The following IL1R1 variants were observed in gnomAD, a reference collection of about 807,000 sequenced individuals.
IL1R1 encodes interleukin 1 receptor type 1.
Under a neutral mutation model 50.2 loss-of-function variants are expected in IL1R1, and 22 were observed. The observed-to-expected ratio is 0.44, with a 90% CI of 0.31 to 0.63. The LOEUF (loss-of-function observed/expected upper bound fraction) is 0.63, where lower values mean the gene tolerates loss of function less well. IL1R1 is among the 20% of genes least tolerant of loss of function. The pLI, the probability that IL1R1 is intolerant of heterozygous loss-of-function variation, is 0.07. For synonymous variants in IL1R1, 251 were observed against 236.7 expected (o/e 1.06, Z -0.55); for missense variants, 509 against 676.2 (o/e 0.75, Z 2.74).
At chr2:102,148,023 T>C (rs1396144055) in intron 1 of IL1R1, among the ~76,000 whole-genome samples, 1 of 152,200 alleles carries the variant, frequency 6.6e-6, no homozygotes, top group East Asian at 1.9e-4. Flanking sequence ...CTTTCTGAGA[T>C]GGTGAGTGAG....
At chr2:102,172,535 C>A (rs1026259923) in intron 8 of IL1R1, 152 bp from the exon 9 acceptor site, 3 of 1,084,448 alleles carry the variant, frequency 2.8e-6, no homozygotes, top group African/African-American at 1.6e-5. Flanking sequence ...ATTAGTGTTG[C>A]CAGCAGTCTG....
intron 1 of IL1R1, among the ~76,000 whole-genome samples, chr2:102,090,924 T>C (rs1679640429): frequency 6.6e-6 from 1 of 152,214 alleles, no homozygotes; most frequent in Admixed American, 6.5e-5. Context: ...TTATTAATGA[T>C]CAGGGAGTTT....
At chr2:102,146,930 C>G (rs755558230) in intron 1 of IL1R1, among the ~76,000 whole-genome samples, 4 of 152,222 alleles carry the variant, frequency 2.6e-5, no homozygotes, top group African/African-American at 9.7e-5. Context: ...CATACCCACT[C>G]CACTGAGAAC....
chr2:102,169,576 G>T (rs1167532877), intron 7 of IL1R1, among the ~76,000 whole-genome samples: 1 of 152,170 alleles, frequency 6.6e-6, no homozygotes, highest in African/African-American at 2.4e-5. Flanking sequence ...ACCCAAAATA[G>T]GTTGGCCTTG....
chr2:102,170,051 G>C (rs1202904614), intron 7 of IL1R1, among the ~76,000 whole-genome samples: 2 of 152,156 alleles, frequency 1.3e-5, no homozygotes, highest in African/African-American at 4.8e-5. Context: ...GTAATTGAGA[G>C]CTCTGATGCC....
In IL1R1 at chr2:102,176,379, G is replaced by T; in HGVS notation, c.1330G>T (p.Val444Leu). 1 of 1,613,928 alleles carries T rather than the reference G, an allele frequency of 6.2e-7. No homozygotes were observed. The highest frequency in any genetic ancestry group is 8.5e-7 in the Non-Finnish European group (1 of 1,179,942). ...EDIVEVINEN[V>L]KKSRRLIIIL... ...CATTGTTGAGGTCATTAATGAAAAC[G>T]TAAAGAAAAGCAGAAGACTGATTAT... The change falls in exon 12 of 12, where the codon GTA (valine) becomes TTA (leucine). Residue 444 changes from valine (V) to leucine (L), a missense_variant. Physicochemically the swap from Val to Leu is conservative, Grantham distance 32. Coordinates refer to ENST00000410023, the MANE Select transcript of IL1R1 (RefSeq NM_000877.4).
In IL1R1 at chr2:102,148,768, TG is replaced by T. The variant is rs560587322; in HGVS notation, c.-83-5172del. Among the ~76,000 whole-genome samples, 440 of 152,338 alleles carry T rather than the reference TG, an allele frequency of 2.9e-3. 1 individual carries two copies. The highest frequency in any genetic ancestry group is 1.0e-2 in the African/African-American group (415 of 41,560). Reference sequence around the variant, plus strand: ...CCATAAGTGTGTGGTTCTATGGCTTTGTAAGTCCCTTTTACCTTCTTTTTCA... The same window carrying T: ...CCATAAGTGTGTGGTTCTATGGCTTTTAAGTCCCTTTTACCTTCTTTTTCA... On this transcript the variant is annotated intron_variant, in intron 1 of 11. Transcript: ENST00000410023.
chr2:102,122,934 CA>C (rs1224936454), intron 1 of IL1R1, among the ~76,000 whole-genome samples: 2 of 152,200 alleles, frequency 1.3e-5, no homozygotes, highest in African/African-American at 4.8e-5. Context: ...TTGGGTCTAG[CA>C]AATATTCTTG....
intron 3 of IL1R1, among the ~76,000 whole-genome samples, chr2:102,163,513 T>C (rs907658018): frequency 1.3e-5 from 2 of 152,310 alleles, no homozygotes; most frequent in Middle Eastern, 3.4e-3. Context: ...ATCCCATCCA[T>C]TGTTTTTTGT....
intron 1 of IL1R1, among the ~76,000 whole-genome samples, chr2:102,073,636 C>T (rs964093666): frequency 3.3e-5 from 5 of 152,138 alleles, no homozygotes; most frequent in Non-Finnish European, 7.4e-5. Context: ...TTGCTTAAAC[C>T]TCTGAGTACC....
chr2:102,168,782 A>G lies in IL1R1; in HGVS notation c.721+119A>G, dbSNP rs115120718. On this transcript the variant is annotated intron_variant, in intron 7 of 11. Coordinates refer to ENST00000410023, the MANE Select transcript of IL1R1 (RefSeq NM_000877.4). ...AGCCATTTACTGTATAAATCTATCA[A>G]TGGAGGGAAAGTGAGACAAATTATA... 2.4e-3 allele frequency: 1,687 copies of G among 698,102 alleles called. 8 individuals are homozygous for G. The highest frequency in any genetic ancestry group is 3.0e-3 in the Non-Finnish European group (1,253 of 416,992). The allele number at this position is 698,102 out of a possible 1,614,324, so 43.2% of individuals were successfully genotyped here.
chr2:102,088,702 C>T (rs1679534577), intron 1 of IL1R1, among the ~76,000 whole-genome samples: 1 of 152,216 alleles, frequency 6.6e-6, no homozygotes, highest in Non-Finnish European at 1.5e-5. Context: ...ATGGCATTTT[C>T]TTCCAACAGA....
intron 1 of IL1R1, among the ~76,000 whole-genome samples, chr2:102,086,607 A>G (rs1318003926): frequency 1.3e-5 from 2 of 151,788 alleles, no homozygotes; most frequent in Admixed American, 1.3e-4. Context: ...TTTTCAACAG[A>G]CTTTTTTTCT....
intron 1 of IL1R1, among the ~76,000 whole-genome samples, chr2:102,079,575 T>C (rs1289078804): frequency 6.6e-6 from 1 of 152,118 alleles, no homozygotes; most frequent in African/African-American, 2.4e-5. Flanking sequence ...TATAAAATAT[T>C]ATTGAAAGTA....
Position 102,106,957 on chromosome 2 carries a change from C to G in IL1R1, c.-84+2085C>G, listed in dbSNP as rs960871102. 2.3e-4 allele frequency among the ~76,000 whole-genome samples: 35 copies of G among 152,126 alleles called. 1 individual carries two copies. The highest frequency in any genetic ancestry group is 1.2e-4 in the Non-Finnish European group (8 of 68,040). ...CACCCTTGTAGCTAAACCTTTGCAT[C>G]TCCTTGATGCAAAGGTTATCTCAAC... On this transcript the variant is annotated intron_variant, in intron 1 of 10. Coordinates refer to the IL1R1 transcript ENST00000409329.
chr2:102,133,865 T>G (rs1682184760), intron 1 of IL1R1, among the ~76,000 whole-genome samples: 1 of 151,556 alleles, frequency 6.6e-6, no homozygotes, highest in African/African-American at 2.4e-5. Context: ...CTTTCCCCAC[T>G]TCTATTTAAC....
In IL1R1 at chr2:102,176,696, C is replaced by A. The variant is rs760544462; in HGVS notation, c.1647C>A (p.His549Gln). ...AGCGACGGTCACCTTCATCTAAACA[C>A]CAGTTACTGTCACCAGCCACTAAGG... ...PVQRRSPSSK[H>Q]QLLSPATKEK... The change falls in exon 12 of 12, where the codon CAC becomes CAA. Residue 549 changes from histidine (H) to glutamine (Q), a missense_variant. His to Gln is a conservative substitution (Grantham distance 24). Coordinates refer to ENST00000410023, the MANE Select transcript of IL1R1 (RefSeq NM_000877.4). 23 of 1,614,090 alleles carry A rather than the reference C, an allele frequency of 1.4e-5. No homozygotes were observed. In the South Asian group the frequency reaches 2.4e-4, roughly 17 times the overall value.
chr2:102,137,803 C>T (rs1190992083), upstream of IL1R1, among the ~76,000 whole-genome samples: 1 of 152,114 alleles, frequency 6.6e-6, no homozygotes, highest in Non-Finnish European at 1.5e-5. Flanking sequence ...TAGTTTACCA[C>T]ATTGATCTTA....
intron 1 of IL1R1, among the ~76,000 whole-genome samples, chr2:102,079,661 A>C (rs754254839): frequency 6.6e-6 from 1 of 152,142 alleles, no homozygotes; most frequent in Non-Finnish European, 1.5e-5. Flanking sequence ...TAAAGATGGC[A>C]GTACTCCCCA....
Sources: gnomAD v4.1 joint callset for allele counts (sites outside exome capture counted in the v4.1 genomes callset) on GRCh38, gnomAD v4.1.1 for gene constraint, MANE v1.5 for transcripts, NCBI Gene and HGNC (gene_info 2026-07-23, HGNC 2026-07-21) for gene names.